PCDH7: variants seen among roughly 807,000 people sequenced by gnomAD.
The protein encoded by PCDH7 is protocadherin-7.
Under a neutral mutation model 58.9 loss-of-function variants are expected in PCDH7, and 17 were observed. That is an observed-to-expected ratio of 0.29 (90% CI 0.20 to 0.43). The LOEUF (loss-of-function observed/expected upper bound fraction) is 0.43, where lower values mean the gene tolerates loss of function less well. Ranked by LOEUF, PCDH7 falls within the 20% of genes least tolerant of loss-of-function variation. PCDH7 has a pLI of 1.00. For missense variants in PCDH7, 1,274 were observed against 1,441.0 expected (o/e 0.88, Z 1.88); for synonymous variants, 664 against 616.4 (o/e 1.08, Z -1.14).
chr4:30,830,874 C>T (rs537962974), intron 1 of PCDH7, among the ~76,000 whole-genome samples: 2 of 152,214 alleles, frequency 1.3e-5, no homozygotes, highest in African/African-American at 4.8e-5. Flanking sequence ...CTCATTTCCT[C>T]ATAATGCTGC....
At chr4:30,902,701 A>G (rs764200477) in intron 1 of PCDH7, among the ~76,000 whole-genome samples, 2 of 152,122 alleles carry the variant, frequency 1.3e-5, no homozygotes, top group African/African-American at 2.4e-5. Context: ...GAGACTTGAA[A>G]AAGTCATAAG....
chr4:30,761,165 C>T (rs1719969566), intron 1 of PCDH7, among the ~76,000 whole-genome samples: 1 of 152,190 alleles, frequency 6.6e-6, no homozygotes, highest in Non-Finnish European at 1.5e-5. Flanking sequence ...GGGTTCTTGG[C>T]AGTACCTAAT....
intron 1 of PCDH7, among the ~76,000 whole-genome samples, chr4:30,815,887 C>T (rs1164277349): frequency 1.3e-5 from 2 of 152,210 alleles, no homozygotes; most frequent in Non-Finnish European, 2.9e-5. Context: ...GCCTGACATT[C>T]CTCAGGGGAG....
intron 3 of PCDH7, among the ~76,000 whole-genome samples, chr4:31,126,486 A>G (rs1290299093): frequency 6.6e-6 from 1 of 152,136 alleles, no homozygotes; most frequent in African/African-American, 2.4e-5. Context: ...GAATAAATAT[A>G]GTTTTGGAGG....
At chr4:31,139,434 C>G (rs981155092) in intron 3 of PCDH7, among the ~76,000 whole-genome samples, 4 of 152,116 alleles carry the variant, frequency 2.6e-5, no homozygotes, top group Admixed American at 6.6e-5. Context: ...AAAAGACATC[C>G]TTCAGTGAAA....
At chr4:31,043,030 C>T (rs1006260406) in intron 3 of PCDH7, among the ~76,000 whole-genome samples, 3 of 151,966 alleles carry the variant, frequency 2.0e-5, no homozygotes, top group African/African-American at 7.3e-5. Flanking sequence ...CCTATGATAA[C>T]CAACTCACTC....
intron 3 of PCDH7, among the ~76,000 whole-genome samples, chr4:31,122,739 T>C (rs1472030490): frequency 6.6e-6 from 1 of 152,056 alleles, no homozygotes; most frequent in Admixed American, 6.6e-5. Flanking sequence ...TTTTTTTAAG[T>C]AAATTGGGAT....
chr4:30,863,836 T>C (rs2109356346), intron 1 of PCDH7, among the ~76,000 whole-genome samples: 1 of 152,220 alleles, frequency 6.6e-6, no homozygotes, highest in East Asian at 1.9e-4. Flanking sequence ...AATTTCATAA[T>C]TGTGTATTCT....
At chr4:30,968,417 G>GATAT (rs1560541749) in intron 3 of PCDH7, among the ~76,000 whole-genome samples, 326 of 20,882 alleles carry the variant, frequency 0.016, 17 homozygotes, top group African/African-American at 0.043. Context: ...TATATATATG[G>GATAT]GATATTATGT....
chr4:31,028,167 T>C (rs1294244568), intron 3 of PCDH7, among the ~76,000 whole-genome samples: 2 of 152,160 alleles, frequency 1.3e-5, no homozygotes, highest in African/African-American at 2.4e-5. Flanking sequence ...TCCGCTGACA[T>C]AGCTATAGTG....
intron 3 of PCDH7, among the ~76,000 whole-genome samples, chr4:31,044,912 A>G (rs1250833669): frequency 6.6e-6 from 1 of 152,020 alleles, no homozygotes; most frequent in African/African-American, 2.4e-5. Flanking sequence ...ACCTGCAGTG[A>G]CTTTTGGACC....
At chr4:31,020,627 A>T (rs1008897818) in intron 3 of PCDH7, among the ~76,000 whole-genome samples, 2 of 152,198 alleles carry the variant, frequency 1.3e-5, no homozygotes, top group Non-Finnish European at 2.9e-5. Context: ...GTACTTCAGG[A>T]CCTGTGTGCA....
chr4:30,855,370 C>G (rs1317024772), intron 1 of PCDH7, among the ~76,000 whole-genome samples: 1 of 152,160 alleles, frequency 6.6e-6, no homozygotes, highest in African/African-American at 2.4e-5. Flanking sequence ...CTCATTGCCC[C>G]TTTCCCCAGA....
At chr4:30,825,252 CT>C in intron 1 of PCDH7, among the ~76,000 whole-genome samples, 1 of 152,268 alleles carries the variant, frequency 6.6e-6, no homozygotes, top group Middle Eastern at 3.4e-3. Flanking sequence ...ATGTGATCCA[CT>C]TTTCAGTGTT....
At chr4:30,971,279 G>A (rs1177736009) in intron 3 of PCDH7, among the ~76,000 whole-genome samples, 1 of 152,140 alleles carries the variant, frequency 6.6e-6, no homozygotes, top group Non-Finnish European at 1.5e-5. Context: ...AATCTAGGGG[G>A]AAAATAAAAC....
At chr4:30,882,527 C>T (rs1218266989) in intron 1 of PCDH7, among the ~76,000 whole-genome samples, 2 of 152,108 alleles carry the variant, frequency 1.3e-5, no homozygotes, top group African/African-American at 2.4e-5. Context: ...GCTGGGATTA[C>T]AAGTGTGAGC....
rs10692198 is a variant in PCDH7, at chr4:30,765,125, C to CTTTTTTTTTTTTTTTTTTTT, written c.70+40536_70+40555dup. On this transcript the variant is annotated intron_variant, in intron 1 of 3. Transcript: ENST00000509759. ...GGAAAGAGAGATAGGACTTCAGATG[C>CTTTTTTTTTTTTTTTTTTTT]TTTTTTTTTTTTTTTTTTTTTTTTT... Among the ~76,000 whole-genome samples, 24 of 49,214 alleles carry CTTTTTTTTTTTTTTTTTTTT rather than the reference C, an allele frequency of 4.9e-4. 8 individuals carry two copies. The highest frequency in any genetic ancestry group is 8.3e-4 in the East Asian group (1 of 1,210). The allele number at this position is 49,214 out of a possible 152,430, so 32.3% of individuals were successfully genotyped here.
At chr4:30,749,038 G>A (rs912517381) in intron 1 of PCDH7, among the ~76,000 whole-genome samples, 2 of 152,114 alleles carry the variant, frequency 1.3e-5, no homozygotes, top group Non-Finnish European at 2.9e-5. Context: ...TATCAACAGG[G>A]GAAGGGATAT....
At chr4:30,895,194 G>T (rs1057106941) in intron 1 of PCDH7, among the ~76,000 whole-genome samples, 1 of 151,462 alleles carries the variant, frequency 6.6e-6, no homozygotes, top group African/African-American at 2.4e-5. Flanking sequence ...AGTGGAGAAT[G>T]CAAAGGAGGA....
Sources: allele counts gnomAD v4.1 joint callset (sites outside exome capture counted in the v4.1 genomes callset), GRCh38; gene constraint gnomAD v4.1.1; transcripts MANE v1.5; gene names NCBI Gene and HGNC (gene_info 2026-07-23, HGNC 2026-07-21).